The following MGAM2 variants were observed in gnomAD, a reference collection of about 807,000 sequenced individuals.
MGAM2 encodes the protein probable maltase-glucoamylase 2.
MGAM2 carries 98 observed loss-of-function variants against 96.1 expected under a neutral mutation model. The observed-to-expected ratio is 1.02, with a 90% CI of 0.87 to 1.21. The LOEUF (loss-of-function observed/expected upper bound fraction) is 1.21, where lower values mean the gene tolerates loss of function less well. Among genes scored for constraint, MGAM2 ranks in the 50% most tolerant of loss-of-function variants. MGAM2 has a pLI of 0.00. For synonymous variants in MGAM2, 749 were observed against 414.8 expected (o/e 1.81, Z -9.79); for missense variants, 2,055 against 1,182.4 (o/e 1.74, Z -10.82).
At chr7:142,193,980 T>C (rs1245896031) in intron 37 of MGAM2, among the ~76,000 whole-genome samples, 2 of 152,152 alleles carry the variant, frequency 1.3e-5, no homozygotes, top group African/African-American at 4.8e-5. Flanking sequence ...ACTTAAAATG[T>C]TGAACTATTT....
At chr7:142,149,479 A>G (rs1795489783) in intron 15 of MGAM2, among the ~76,000 whole-genome samples, 1 of 152,108 alleles carries the variant, frequency 6.6e-6, no homozygotes, top group Admixed American at 6.5e-5. Context: ...ATTATACCTG[A>G]GATGTTTACC....
chr7:142,207,401 C>CATTTATTT (rs527841518), intron 45 of MGAM2, among the ~76,000 whole-genome samples: 10 of 151,828 alleles, frequency 6.6e-5, no homozygotes, highest in African/African-American at 1.9e-4. Context: ...GTAAAGGCTA[C>CATTTATTT]ATTTATTTAT....
At chr7:142,211,241 G>T (rs1003613402) in intron 46 of MGAM2, among the ~76,000 whole-genome samples, 2 of 152,174 alleles carry the variant, frequency 1.3e-5, no homozygotes, top group African/African-American at 4.8e-5. Flanking sequence ...GGAAAACCCA[G>T]TGCAAAAAGC....
Position 142,172,780 on chromosome 7 carries a change from G to A in MGAM2, c.3561+16G>A, listed in dbSNP as rs1367186822. 1 of 690,508 alleles carries A rather than the reference G, an allele frequency of 1.4e-6. No individual in the cohort carries two copies. Among genetic ancestry groups the A allele is most frequent in the South Asian group, 1.5e-5 (1 of 64,888 alleles). The allele number at this position is 690,508 out of a possible 1,614,324, so 42.8% of individuals were successfully genotyped here. A position where few individuals can be genotyped will look rare whatever the true frequency, so the allele number is the denominator to read the frequency against. On this transcript the variant is annotated intron_variant, in intron 30 of 47. Coordinates refer to ENST00000477922, the MANE Select transcript of MGAM2 (RefSeq NM_001293626.2). ...ATACACAGAGGTTAGAAGCCATTCT[G>A]TCCATCAATATATTGTCAAATATTT...
intron 12 of MGAM2, among the ~76,000 whole-genome samples, chr7:142,141,624 C>T (rs1438495869): frequency 2.6e-5 from 4 of 151,988 alleles, no homozygotes; most frequent in Admixed American, 6.6e-5. Flanking sequence ...CTCAGCCTCC[C>T]GAGTAGCTGG....
intron 2 of MGAM2, among the ~76,000 whole-genome samples, chr7:142,118,692 C>A (rs1321582620): frequency 6.6e-6 from 1 of 152,156 alleles, no homozygotes; most frequent in Non-Finnish European, 1.5e-5. Context: ...CCTGAGCCCT[C>A]TGGTGTCTTT....
intron 47 of MGAM2, 114 bp from the exon 48 acceptor site, chr7:142,219,756 T>C (rs1354047843): frequency 1.5e-5 from 9 of 607,308 alleles, no homozygotes; most frequent in Admixed American, 2.9e-5. Flanking sequence ...TATATCCTAT[T>C]ACTGGAAAGG....
chr7:142,123,150 A>G (rs943607338), intron 3 of MGAM2, among the ~76,000 whole-genome samples: 1 of 150,594 alleles, frequency 6.6e-6, no homozygotes, highest in African/African-American at 2.4e-5. Flanking sequence ...GATTTAGCCT[A>G]TTGTTAGGTA....
intron 45 of MGAM2, among the ~76,000 whole-genome samples, chr7:142,208,048 A>G (rs1331264695): frequency 6.6e-6 from 1 of 152,150 alleles, no homozygotes; most frequent in Non-Finnish European, 1.5e-5. Context: ...AACATTATGT[A>G]CCTTATTGCC....
At chr7:142,210,379 C>T (rs1047124526) in intron 46 of MGAM2, among the ~76,000 whole-genome samples, 8 of 152,026 alleles carry the variant, frequency 5.3e-5, no homozygotes, top group African/African-American at 1.2e-4. Flanking sequence ...GCCAGGGAGC[C>T]GAGTGCCCTT....
At chr7:142,175,019 C>T (rs1400793889) in intron 31 of MGAM2, among the ~76,000 whole-genome samples, 4 of 152,148 alleles carry the variant, frequency 2.6e-5, no homozygotes, top group South Asian at 2.1e-4. Context: ...GTGCCTAGCC[C>T]GTTTATTTAT....
rs1312610658 is a variant in MGAM2, at chr7:142,167,314, C to T, written c.2855C>T (p.Pro952Leu). Residue 952 changes from proline (P) to leucine (L), a missense_variant, in exon 26 of 48, where the codon CCT (proline) becomes CTT (leucine). Transcript: ENST00000477922. The part of the protein sequence containing the change: ...GVPTCYYDTI[P>L]NYVASDIQYL... ...CCCACCTGTTACTATGACACCATCC[C>T]TAATTATGTTGCTAGTGATATTCAG... The T allele has an allele frequency of 1.4e-6, 1 of 702,616 alleles. No homozygotes were observed. Among genetic ancestry groups the T allele is most frequent in the African/African-American group, 1.7e-5 (1 of 57,236 alleles). The allele number at this position is 702,616 out of a possible 1,614,324, so 43.5% of individuals were successfully genotyped here.
chr7:142,121,809 T>G (rs1794580891), intron 3 of MGAM2, among the ~76,000 whole-genome samples: 1 of 151,718 alleles, frequency 6.6e-6, no homozygotes, highest in Admixed American at 6.6e-5. Flanking sequence ...AATTATATTA[T>G]AGGAAAATAA....
intron 32 of MGAM2, among the ~76,000 whole-genome samples, chr7:142,179,647 C>T (rs1337412024): frequency 3.3e-5 from 5 of 152,054 alleles, no homozygotes; most frequent in Admixed American, 6.6e-5. Context: ...GTTTATATGG[C>T]GAATCACATT....
At chr7:142,212,618 C>T (rs947654050) in intron 46 of MGAM2, among the ~76,000 whole-genome samples, 3 of 151,644 alleles carry the variant, frequency 2.0e-5, no homozygotes, top group African/African-American at 7.3e-5. Flanking sequence ...AAGGCCATTA[C>T]ATAATGTTAA....
intron 2 of MGAM2, among the ~76,000 whole-genome samples, chr7:142,117,944 CTGTTTTTTTTTT>C (rs1817472261): frequency 1.3e-5 from 2 of 149,938 alleles, no homozygotes; most frequent in Admixed American, 1.3e-4. Flanking sequence ...TTTTTTTCTT[CTGTTTTTTTTTT>C]GAAGATGTAT....
At position 142,147,505 on chromosome 7, in the gene MGAM2, G is replaced by A. The variant is rs1205096584; in HGVS notation, c.1566G>A (p.Glu522=). Reference sequence around the variant, plus strand: ...CAAGAACTCTCTGCATGGACACGGAGTTTCATGGGGGCCTTCATTATGACA... The same window carrying A: ...CAAGAACTCTCTGCATGGACACGGAATTTCATGGGGGCCTTCATTATGACA... ...LFARTLCMDT[E]FHGGLHYDIH... The change falls in exon 15 of 48, where the codon GAG becomes GAA. Residue 522 remains glutamate (E), a synonymous_variant. Transcript: ENST00000477922. The A allele has an allele frequency of 1.4e-6, 1 of 702,734 alleles. No homozygotes were observed. Among genetic ancestry groups the A allele is most frequent in the Non-Finnish European group, 2.6e-6 (1 of 384,938 alleles). The allele number at this position is 702,734 out of a possible 1,614,324, so 43.5% of individuals were successfully genotyped here. A position where few individuals can be genotyped will look rare whatever the true frequency, so the allele number is the denominator to read the frequency against.
rs150087755 is a variant in MGAM2 at position 142,159,675 on chromosome 7, A to G, written c.2220+332A>G. Among the ~76,000 whole-genome samples the G allele has an allele frequency of 4.4e-3, 663 of 152,184 alleles. 7 individuals carry two copies. The highest frequency in any genetic ancestry group is 0.015 in the African/African-American group (629 of 41,530). On this transcript the variant is annotated intron_variant, in intron 20 of 47. Transcript: ENST00000477922. ...CTTGCTCCTCCCTCATGACTTAATCACCTCACAAAAGTCTCCCCACCCCTT... is the reference window on the plus strand; with the variant it reads ...CTTGCTCCTCCCTCATGACTTAATCGCCTCACAAAAGTCTCCCCACCCCTT...
chr7:142,134,284 T>A, intron 7 of MGAM2, 132 bp downstream of exon 7: 1 of 414,136 alleles, frequency 2.4e-6, no homozygotes, highest in Non-Finnish European at 4.3e-6. Flanking sequence ...GAATATTTGT[T>A]CTTGAGGCCT....
Sources: gnomAD v4.1 joint callset for allele counts (sites outside exome capture counted in the v4.1 genomes callset) on GRCh38, gnomAD v4.1.1 for gene constraint, MANE v1.5 for transcripts, NCBI Gene and HGNC (gene_info 2026-07-23, HGNC 2026-07-21) for gene names.